SORCS2: variants seen among roughly 807,000 people sequenced by gnomAD.
The protein encoded by SORCS2 is sortilin related VPS10 domain containing receptor 2, also known as VPS10 domain-containing receptor SorCS2.
A neutral mutation model predicts 141.6 loss-of-function variants in SORCS2; 100 were observed. That is an observed-to-expected ratio of 0.71 (90% CI 0.60 to 0.83). SORCS2 has a LOEUF of 0.83. Among genes scored for constraint, SORCS2 ranks in the 40% least tolerant of loss-of-function variants. SORCS2 has a pLI of 0.00. For synonymous variants in SORCS2, 789 were observed against 676.9 expected (o/e 1.17, Z -2.57); for missense variants, 1,646 against 1,560.2 (o/e 1.05, Z -0.93).
intron 1 of SORCS2, among the ~76,000 whole-genome samples, chr4:7,204,986 C>T (rs1003394313): frequency 5.3e-5 from 8 of 152,252 alleles, no homozygotes; most frequent in Non-Finnish European, 4.4e-5. Context: ...AATTGACTAC[C>T]TCATTGACCA....
intron 2 of SORCS2, among the ~76,000 whole-genome samples, chr4:7,409,449 G>A (rs1038334298): frequency 6.6e-5 from 10 of 152,186 alleles, no homozygotes; most frequent in African/African-American, 2.4e-4. Flanking sequence ...GTCCCCTTTG[G>A]CCAAATTACA....
intron 2 of SORCS2, among the ~76,000 whole-genome samples, chr4:7,409,497 T>G (rs1725172075): frequency 6.6e-6 from 1 of 152,224 alleles, no homozygotes; most frequent in African/African-American, 2.4e-5. Context: ...TAGTCCTTCC[T>G]CCCTTGTCTC....
intron 11 of SORCS2, among the ~76,000 whole-genome samples, chr4:7,695,316 G>A (rs1187876317): frequency 2.1e-5 from 1 of 46,656 alleles, no homozygotes; most frequent in Non-Finnish European, 4.2e-5. Flanking sequence ...GAATGGGTGG[G>A]TGGGTGGATG....
At chr4:7,727,438 C>T (rs927248176) in intron 21 of SORCS2, among the ~76,000 whole-genome samples, 4 of 141,874 alleles carry the variant, frequency 2.8e-5, no homozygotes, top group Admixed American at 2.1e-4. Context: ...CCCCCCCCCC[C>T]CTTGTCAAGG....
chr4:7,357,860 C>T (rs540838731), intron 1 of SORCS2, among the ~76,000 whole-genome samples: 31 of 152,302 alleles, frequency 2.0e-4, no homozygotes, highest in Admixed American at 1.4e-3. Flanking sequence ...GGCTTCTGTG[C>T]ACACTCCAGT....
intron 1 of SORCS2, among the ~76,000 whole-genome samples, chr4:7,317,888 C>T (rs146596054): frequency 2.9e-3 from 434 of 152,250 alleles, no homozygotes; most frequent in Non-Finnish European, 5.0e-3. Context: ...GCCCATTGAA[C>T]GCTGAGCAGG....
chr4:7,247,337 C>A (rs1043737972), intron 1 of SORCS2, among the ~76,000 whole-genome samples: 3 of 151,422 alleles, frequency 2.0e-5, no homozygotes, highest in African/African-American at 7.3e-5. Context: ...GGAGGCTTTA[C>A]TGTTTCTGGG....
chr4:7,489,248 C>A (rs567688645), intron 2 of SORCS2, among the ~76,000 whole-genome samples: 1 of 152,288 alleles, frequency 6.6e-6, no homozygotes, highest in South Asian at 2.1e-4. Flanking sequence ...TGCCTAGAGT[C>A]ATGTTCTCTG....
intron 1 of SORCS2, among the ~76,000 whole-genome samples, chr4:7,378,257 C>CTAATG (rs1361766430): frequency 2.0e-4 from 30 of 152,294 alleles, no homozygotes; most frequent in African/African-American, 7.2e-4. Context: ...TCTCTTCAGG[C>CTAATG]TAATGTGTAT....
chr4:7,429,614 C>T (rs1398249619), intron 2 of SORCS2, among the ~76,000 whole-genome samples: 1 of 152,234 alleles, frequency 6.6e-6, no homozygotes, highest in Non-Finnish European at 1.5e-5. Context: ...TTCCTCTGTG[C>T]ATGCACCCGG....
chr4:7,678,312 C>T (rs1577065919), intron 9 of SORCS2, among the ~76,000 whole-genome samples: 1 of 150,292 alleles, frequency 6.7e-6, no homozygotes. Context: ...AGAAGAAGTT[C>T]GCAGTGGCCC....
At chr4:7,486,209 T>C (rs1020639342) in intron 2 of SORCS2, among the ~76,000 whole-genome samples, 7 of 45,526 alleles carry the variant, frequency 1.5e-4, no homozygotes, top group Non-Finnish European at 2.5e-4. Flanking sequence ...ACAAGCCCCG[T>C]CCAGTGGAGG....
chr4:7,499,676 A>C (rs1731840651), intron 2 of SORCS2, among the ~76,000 whole-genome samples: 1 of 145,708 alleles, frequency 6.9e-6, no homozygotes, highest in Non-Finnish European at 1.5e-5. Context: ...ATTTTGCCCC[A>C]GCTGAGCCAT....
At chr4:7,653,328 C>G (rs1490978204) in intron 4 of SORCS2, among the ~76,000 whole-genome samples, 1 of 152,214 alleles carries the variant, frequency 6.6e-6, no homozygotes, top group East Asian at 1.9e-4. Context: ...ACTGCAACCT[C>G]CGCCTCCTGG....
In SORCS2 at chr4:7,613,355, C is replaced by T. The variant is rs529490072; in HGVS notation, c.649-24973C>T. Among the ~76,000 whole-genome samples, 11 of 152,350 alleles carry T rather than the reference C, an allele frequency of 7.2e-5. No homozygotes were observed. The East Asian group carries it at 1.4e-3, about 19-fold the overall frequency. On this transcript the variant is annotated intron_variant, in intron 3 of 26. Transcript: ENST00000507866. ...AGAGTCGCGGGCGCTGTCTGTTCAG[C>T]GGGGCTCTGCGTGGCCAGGTGCCAG...
chr4:7,716,622 TGTCC>T (rs1726209912), intron 17 of SORCS2, among the ~76,000 whole-genome samples: 5 of 151,972 alleles, frequency 3.3e-5, no homozygotes, highest in Non-Finnish European at 7.4e-5. Flanking sequence ...CCCACCCATC[TGTCC>T]ATCCATCCAT....
At chr4:7,223,121 C>G (rs1728805677) in intron 1 of SORCS2, among the ~76,000 whole-genome samples, 1 of 152,134 alleles carries the variant, frequency 6.6e-6, no homozygotes. Flanking sequence ...GACTCGTGTT[C>G]TGATGAAGGA....
At chr4:7,311,901 G>T (rs1027860224) in intron 1 of SORCS2, among the ~76,000 whole-genome samples, 2 of 151,746 alleles carry the variant, frequency 1.3e-5, no homozygotes, top group Non-Finnish European at 2.9e-5. Context: ...TTTTGAGACG[G>T]AGCCTCACTC....
chr4:7,374,308 G>A (rs549937068), intron 1 of SORCS2, among the ~76,000 whole-genome samples: 8 of 152,068 alleles, frequency 5.3e-5, no homozygotes, highest in Non-Finnish European at 1.2e-4. Context: ...GACTGAGTTG[G>A]CCCAGCAAGG....
Sources: allele counts gnomAD v4.1 joint callset (sites outside exome capture counted in the v4.1 genomes callset), GRCh38; gene constraint gnomAD v4.1.1; transcripts MANE v1.5; gene names NCBI Gene and HGNC (gene_info 2026-07-23, HGNC 2026-07-21).